Variants in MYO18A observed in about 807,000 individuals in gnomAD.
MYO18A encodes the protein unconventional myosin-XVIIIa.
MYO18A carries 78 observed loss-of-function variants against 235.8 expected under a neutral mutation model. The observed-to-expected ratio is 0.33, with a 90% CI of 0.28 to 0.40. MYO18A has a LOEUF of 0.40. Ranked by LOEUF, MYO18A falls within the 10% of genes least tolerant of loss-of-function variation. The pLI is 1.00. For synonymous variants in MYO18A, 977 were observed against 1,077.8 expected (o/e 0.91, Z 1.83); for missense variants, 2,215 against 2,699.3 (o/e 0.82, Z 3.98).
intron 2 of MYO18A, among the ~76,000 whole-genome samples, chr17:29,137,944 G>A (rs1328322943): frequency 6.6e-6 from 1 of 152,124 alleles, no homozygotes; most frequent in East Asian, 1.9e-4. Flanking sequence ...AAGCAAAGGA[G>A]ATAATAGCTA....
rs143201362 is a variant in MYO18A at position 29,117,179 on chromosome 17, G to C, written c.2039-724C>G. Among the ~76,000 whole-genome samples, 1 of 152,172 alleles carries C rather than the reference G, an allele frequency of 6.6e-6. No homozygotes were observed. Among genetic ancestry groups the C allele is most frequent in the African/African-American group, 2.4e-5 (1 of 41,440 alleles). ...CCCTTTCCCTAAACTGGAGAAAAAG[G>C]GGGTGAAGAGGTGCTCGAATCGCCA... On this transcript the variant is annotated intron_variant, in intron 10 of 41. Coordinates refer to ENST00000527372, the MANE Select transcript of MYO18A (RefSeq NM_078471.4). This position sits in a 1 kb window ranked among gnomAD's most constrained non-coding sequence, Gnocchi z 4.6.
In MYO18A at chr17:29,111,875, G is replaced by T. The variant is rs112408932; in HGVS notation, c.2599-12C>A. On this transcript the variant is annotated splice_polypyrimidine_tract_variant and intron_variant, in intron 15 of 41. Coordinates refer to ENST00000527372, the MANE Select transcript of MYO18A (RefSeq NM_078471.4). The surrounding 1 kb of genome is among the most constrained non-coding windows in gnomAD (Gnocchi z 5.1). Reference sequence around the variant, plus strand: ...GCCAGCGAGCGGACCTACAGAGAAGGAAGGAAATCCCTCCTTGTCATATGG... The same window carrying T: ...GCCAGCGAGCGGACCTACAGAGAAGTAAGGAAATCCCTCCTTGTCATATGG... The T allele has an allele frequency of 6.2e-7, 1 of 1,603,394 alleles. No homozygotes were observed. Among genetic ancestry groups the T allele is most frequent in the East Asian group, 2.2e-5 (1 of 44,736 alleles).
At chr17:29,093,486 C>T in intron 31 of MYO18A, 59 bp from the exon 32 acceptor site, 2 of 1,352,440 alleles carry the variant, frequency 1.5e-6, no homozygotes, top group Non-Finnish European at 1.0e-6. Context: ...GCGAAGCAGG[C>T]CCCTTCCATT....
At chr17:29,119,861 A>G (rs1035540299) in intron 7 of MYO18A, among the ~76,000 whole-genome samples, 23 of 150,018 alleles carry the variant, frequency 1.5e-4, no homozygotes, top group African/African-American at 4.2e-4. Context: ...ACCGCACCCA[A>G]CCTGCATCTT....
chr17:29,142,568 A>G (rs1317387613), intron 2 of MYO18A, among the ~76,000 whole-genome samples: 1 of 152,238 alleles, frequency 6.6e-6, no homozygotes, highest in Admixed American at 6.5e-5. Flanking sequence ...AAATTCCAGG[A>G]ACCCAACCCA....
At chr17:29,102,516 A>C (rs917341127) in intron 21 of MYO18A, among the ~76,000 whole-genome samples, 2 of 152,226 alleles carry the variant, frequency 1.3e-5, no homozygotes, top group African/African-American at 2.4e-5. Context: ...AGAGGTAGAC[A>C]AAGCAGTGAC....
rs1236471861 is a variant in MYO18A at position 29,096,802 on chromosome 17, G to C, written c.4344C>G (p.Gly1448=). 6.2e-7 allele frequency: 1 copy of C among 1,605,854 alleles called. No homozygotes were observed. The highest frequency in any genetic ancestry group is 1.1e-5 in the South Asian group (1 of 89,064). ...CCAGTTCGTGGTTGCGGACCTGCTG[G>C]CCCTCCAGGTGCAGCTTGGTGTCTT... ...ELQDTKLHLE[G]QQVRNHELEK... Residue 1448 remains glycine, a synonymous_variant, in exon 28 of 42, where the codon GGC becomes GGG. Coordinates refer to ENST00000527372, the MANE Select transcript of MYO18A (RefSeq NM_078471.4).
At position 29,094,827 on chromosome 17, in the gene MYO18A, C is replaced by T; in HGVS notation, c.4533G>A (p.Gly1511=). The change falls in exon 30 of 42, where the codon GGG becomes GGA. Residue 1511 remains glycine, a synonymous_variant. Coordinates refer to ENST00000527372, the MANE Select transcript of MYO18A (RefSeq NM_078471.4). Reference sequence around the variant, plus strand: ...CTAGAGACACAACCTTCTGGGTGAACCCTGCAATGTCCATGTCTTTTTCCT... The same window carrying T: ...CTAGAGACACAACCTTCTGGGTGAATCCTGCAATGTCCATGTCTTTTTCCT... ...QLEEKDMDIA[G]FTQKVVSLEA... 3.1e-6 allele frequency: 5 copies of T among 1,614,058 alleles called. No individual in the cohort carries two copies. Among genetic ancestry groups the T allele is most frequent in the Middle Eastern group, 1.6e-4 (1 of 6,062 alleles).
Position 29,089,986 on chromosome 17 carries a change from T to C in MYO18A, c.5501A>G (p.Glu1834Gly). Residue 1834 changes from glutamate to glycine, a missense_variant, in exon 37 of 42, where the codon GAA (glutamate) becomes GGA (glycine). Glu to Gly is a moderately conservative substitution (Grantham distance 98, BLOSUM62 -2). Coordinates refer to ENST00000527372, the MANE Select transcript of MYO18A (RefSeq NM_078471.4). ...IRELETRLEF[E>G]RTQVKRLESL... ...CTCCAGCCGTTTCACTTGCGTCCTT[T>C]CAAACTCCAGGCGTGTCTCCAGCTC... 6.2e-7 allele frequency: 1 copy of C among 1,614,050 alleles called. No individual in the cohort carries two copies. Among genetic ancestry groups the C allele is most frequent in the Non-Finnish European group, 8.5e-7 (1 of 1,179,894 alleles).
rs2152777861 is a variant in MYO18A at position 29,097,425 on chromosome 17, G to GGGCAGGGGGAGC, written c.4103-87_4103-76dup. 1.9e-6 allele frequency: 3 copies of GGGCAGGGGGAGC among 1,567,876 alleles called. No individual in the cohort carries two copies. In the East Asian group the frequency reaches 6.8e-5, roughly 35 times the overall value. On this transcript the variant is annotated intron_variant, in intron 26 of 41. Coordinates refer to ENST00000527372, the MANE Select transcript of MYO18A (RefSeq NM_078471.4). ...GAAGGGGCAGAGGGGAAGGAGGATG[G>GGGCAGGGGGAGC]GGCAGGGGGAGCAGCAGGTGGAGTC... is the stretch of plus-strand genomic sequence containing the variant.
At chr17:29,174,026 A>G (rs936483141) in intron 1 of MYO18A, among the ~76,000 whole-genome samples, 1 of 152,166 alleles carries the variant, frequency 6.6e-6, no homozygotes, top group African/African-American at 2.4e-5. Context: ...CTCCTGCCTC[A>G]GCCTCCTGAG....
chr17:29,115,464 C>T (rs746296784), intron 12 of MYO18A, 23 bp from the exon 13 acceptor site: 6 of 1,607,934 alleles, frequency 3.7e-6, no homozygotes, highest in African/African-American at 1.3e-5. Context: ...GGGAGCAGCG[C>T]TATCTCCTTC....
At chr17:29,079,132 A>G (rs1484031196) in intron 41 of MYO18A, among the ~76,000 whole-genome samples, 2 of 152,218 alleles carry the variant, frequency 1.3e-5, no homozygotes, top group African/African-American at 2.4e-5. Context: ...TGCACCAACC[A>G]CAGCTGGGGT....
chr17:29,084,839 T>G (rs887797586), intron 40 of MYO18A, among the ~76,000 whole-genome samples: 1 of 151,692 alleles, frequency 6.6e-6, no homozygotes, highest in Non-Finnish European at 1.5e-5. Flanking sequence ...CTGTCGAACT[T>G]GATGGAGGAT....
intron 2 of MYO18A, among the ~76,000 whole-genome samples, chr17:29,164,746 A>G (rs1347648115): frequency 6.6e-6 from 1 of 152,212 alleles, no homozygotes; most frequent in Non-Finnish European, 1.5e-5. Context: ...ACTGCTATGT[A>G]GCCACCCTAT....
intron 1 of MYO18A, among the ~76,000 whole-genome samples, chr17:29,177,330 G>A (rs2068555800): frequency 6.6e-6 from 1 of 152,120 alleles, no homozygotes; most frequent in African/African-American, 2.4e-5. Flanking sequence ...AAGGGCCCTG[G>A]GTCCTGTAAA....
intron 1 of MYO18A, among the ~76,000 whole-genome samples, chr17:29,168,143 C>A (rs2068322873): frequency 6.6e-6 from 1 of 151,148 alleles, no homozygotes; most frequent in Non-Finnish European, 1.5e-5. Context: ...AAGGGAAGTT[C>A]CAGACCAAAC....
chr17:29,110,459 A>G lies in MYO18A; in HGVS notation c.3064T>C (p.Cys1022Arg), dbSNP rs1445948049. 2 of 1,593,396 alleles carry G rather than the reference A, an allele frequency of 1.3e-6. No individual in the cohort carries two copies. The part of the protein sequence containing the change: ...GMAAVKKKSL[C>R]IQMKLQVDAL... Reference sequence around the variant, plus strand: ...ACCACCTGTAGCTTCATCTGGATGCACAGTGACTTCTTTTTGACAGCCGCC... The same window carrying G: ...ACCACCTGTAGCTTCATCTGGATGCGCAGTGACTTCTTTTTGACAGCCGCC... The change falls in exon 18 of 42, where the codon TGC becomes CGC. Residue 1022 changes from cysteine to arginine, a missense_variant. By Grantham distance (180) the Cys-to-Arg change is radical. Transcript: ENST00000527372.
Position 29,166,270 on chromosome 17 carries a change from T to C in MYO18A, c.671A>G (p.Gln224Arg). Reference protein sequence around the residue: ...PPPTLRELELQRRPTGDFGFS... With the variant: ...PPPTLRELELRRRPTGDFGFS... Reference sequence around the variant, plus strand: ...GCCAAAGTCTCCAGTGGGCCGTCGTTGCAGCTCCAGCTCCCGGAGGGTAGG... The same window carrying C: ...GCCAAAGTCTCCAGTGGGCCGTCGTCGCAGCTCCAGCTCCCGGAGGGTAGG... Residue 224 changes from glutamine to arginine, a missense_variant, in exon 2 of 42, where the codon CAA becomes CGA. Physicochemically the swap from Gln to Arg is conservative, Grantham distance 43 (BLOSUM62 1). Coordinates refer to ENST00000527372, the MANE Select transcript of MYO18A (RefSeq NM_078471.4). 2 of 1,612,954 alleles carry C rather than the reference T, an allele frequency of 1.2e-6. No individual in the cohort carries two copies. The highest frequency in any genetic ancestry group is 1.7e-6 in the Non-Finnish European group (2 of 1,179,880).
Sources: allele counts gnomAD v4.1 joint callset (sites outside exome capture counted in the v4.1 genomes callset), GRCh38; gene constraint gnomAD v4.1.1; non-coding constraint Gnocchi (gnomAD v3.1); transcripts MANE v1.5; gene names NCBI Gene and HGNC (gene_info 2026-07-23, HGNC 2026-07-21).